The following NIPA1 variants were observed in gnomAD, a reference collection of about 807,000 sequenced individuals.
NIPA1 encodes the protein magnesium transporter NIPA1.
In NIPA1, 13 loss-of-function variants were observed where a neutral mutation model predicts 23.9. The observed-to-expected ratio is 0.54, with a 90% CI of 0.35 to 0.87. NIPA1 has a LOEUF of 0.87. Ranked by LOEUF, NIPA1 falls within the 40% of genes least tolerant of loss-of-function variation. NIPA1 has a pLI of 0.01. For synonymous variants in NIPA1, 234 were observed against 202.9 expected, an observed-to-expected ratio of 1.15 and a Z score of -1.30; for missense variants, 362 against 429.7, an observed-to-expected ratio of 0.84 and a Z score of 1.39.
intron 1 of NIPA1, among the ~76,000 whole-genome samples, chr15:22,798,619 C>T (rs949023582): frequency 2.0e-5 from 3 of 148,124 alleles, no homozygotes; most frequent in Admixed American, 6.7e-5. Context: ...GAGGCTGAGA[C>T]GGGTGGATCA....
rs1163602873 is a variant in NIPA1 at position 22,823,780 on chromosome 15, C to T, written c.531C>T (p.Phe177=). The T allele has an allele frequency of 1.2e-6, 2 of 1,613,422 alleles. No homozygotes were observed. Among genetic ancestry groups the T allele is most frequent in the Admixed American group, 1.7e-5 (1 of 59,956 alleles). Residue 177 remains phenylalanine, a synonymous_variant, in exon 5 of 5, where the codon TTC becomes TTT. Coordinates refer to ENST00000337435, the MANE Select transcript of NIPA1 (RefSeq NM_144599.5). ...TGCTCATGCTGCTGCTGCTCATCTT[C>T]TGGATCGCGCCGGCCCATGGGCCCA... ...IVLLMLLLLI[F]WIAPAHGPTN... is the part of the protein sequence containing the mutation.
chr15:22,809,024 A>T (rs553430483), intron 1 of NIPA1, among the ~76,000 whole-genome samples: 1 of 152,124 alleles, frequency 6.6e-6, no homozygotes, highest in Non-Finnish European at 1.5e-5. Context: ...CTGCTCCATT[A>T]AGCAGGCTAG....
intron 4 of NIPA1, 73 bp downstream of exon 4, chr15:22,820,546 A>G: frequency 2.7e-6 from 3 of 1,098,314 alleles, no homozygotes; most frequent in Non-Finnish European, 4.2e-6. Flanking sequence ...ACGTCTTCAA[A>G]TTGGATGCTT....
chr15:22,786,426 C>G (rs905358017), upstream of NIPA1, among the ~76,000 whole-genome samples: 34 of 151,502 alleles, frequency 2.2e-4, no homozygotes, highest in African/African-American at 8.1e-4. Context: ...CGGGAACCCC[C>G]GCCCCACCCA....
intron 1 of NIPA1, among the ~76,000 whole-genome samples, chr15:22,810,061 T>A (rs1297732694): frequency 6.6e-6 from 1 of 150,906 alleles, no homozygotes; most frequent in Non-Finnish European, 1.5e-5. Context: ...AAAAAAGTGC[T>A]TAGGAGCATT....
rs148454069 is a variant in NIPA1, at chr15:22,814,073, A to G, written c.317+1820A>G. 3.2e-4 allele frequency: 408 copies of G among 1,267,460 alleles called. 1 individual carries two copies. Among genetic ancestry groups the G allele is most frequent in the African/African-American group, 1.3e-3 (83 of 65,580 alleles). 78.5% of individuals were successfully genotyped at this position (1,267,460 alleles called of 1,614,324 possible). Reference sequence around the variant, plus strand: ...CTTCACCAGAAATGTTCACTGCTCCACATCTGCAGGTGTTACTCACTGTAG... The same window carrying G: ...CTTCACCAGAAATGTTCACTGCTCCGCATCTGCAGGTGTTACTCACTGTAG... On this transcript the variant is annotated intron_variant, in intron 3 of 4. Transcript: ENST00000337435.
chr15:22,812,940 C>T (rs958575128), intron 3 of NIPA1, among the ~76,000 whole-genome samples: 1 of 152,104 alleles, frequency 6.6e-6, no homozygotes, highest in South Asian at 2.1e-4. Flanking sequence ...GCTTAGCATT[C>T]CTTGCTGGAT....
chr15:22,800,309 T>C (rs1223934083), intron 1 of NIPA1, among the ~76,000 whole-genome samples: 1 of 152,156 alleles, frequency 6.6e-6, no homozygotes, highest in East Asian at 1.9e-4. Context: ...CACGAGTCTT[T>C]CTTTGTTAAA....
chr15:22,790,134 G>T (rs1407242266), intron 1 of NIPA1, among the ~76,000 whole-genome samples: 2 of 152,048 alleles, frequency 1.3e-5, no homozygotes, highest in Admixed American at 1.3e-4. Flanking sequence ...ATGAAAGGAA[G>T]TAAAGTAGAC....
rs1458192670 is a variant in NIPA1, at chr15:22,829,485, G to C, written c.*5246G>C. 1.3e-5 allele frequency: 2 copies of C among 152,336 alleles called. No individual in the cohort carries two copies. Among genetic ancestry groups the C allele is most frequent in the Non-Finnish European group, 2.9e-5 (2 of 68,012 alleles). 9.4% of individuals were successfully genotyped at this position (152,336 alleles called of 1,614,324 possible). On this transcript the variant is annotated 3_prime_UTR_variant, in exon 5 of 5. Coordinates refer to ENST00000337435, the MANE Select transcript of NIPA1 (RefSeq NM_144599.5). ...TGTTTTTCAGTGGCTTGAGCGTTTT[G>C]CCTTTTCAAAGGATAACTATTATTT...
At position 22,803,301 on chromosome 15, in the gene NIPA1, G is replaced by C. The variant is rs1284571530; in HGVS notation, c.179-7448G>C. Among the ~76,000 whole-genome samples the C allele has an allele frequency of 2.0e-5, 3 of 151,926 alleles. No homozygotes were observed. The South Asian group carries it at 6.2e-4, about 31-fold the overall frequency. Reference sequence around the variant, plus strand: ...ATTATAGGCATGAGCCACCACGCCTGGCTGGGTTCTACCGTATTATTGACT... The same window carrying C: ...ATTATAGGCATGAGCCACCACGCCTCGCTGGGTTCTACCGTATTATTGACT... On this transcript the variant is annotated intron_variant, in intron 1 of 4. Transcript: ENST00000337435.
chr15:22,799,600 G>A (rs1403964507), intron 1 of NIPA1, among the ~76,000 whole-genome samples: 1 of 151,984 alleles, frequency 6.6e-6, no homozygotes, highest in South Asian at 2.1e-4. Flanking sequence ...GGCTAACACG[G>A]TGAAACCCCA....
chr15:22,799,332 CAT>C (rs1303502237), intron 1 of NIPA1, among the ~76,000 whole-genome samples: 6 of 152,120 alleles, frequency 3.9e-5, no homozygotes, highest in African/African-American at 7.2e-5. Flanking sequence ...TCAAATACCA[CAT>C]GTTCTTACTT....
intron 3 of NIPA1, chr15:22,813,748 C>A: frequency 2.2e-6 from 1 of 451,454 alleles, no homozygotes; most frequent in Non-Finnish European, 4.5e-6. Context: ...TTTTCACATG[C>A]GACGCCTTGA....
chr15:22,824,047 C>T lies in NIPA1; in HGVS notation c.798C>T (p.Val266=), dbSNP rs1008907564. Residue 266 remains valine (V), a synonymous_variant, in exon 5 of 5, where the codon GTC becomes GTT. Transcript: ENST00000337435. This position sits in a 1 kb window ranked among gnomAD's most constrained non-coding sequence, Gnocchi z 4.1. ...CGGTGTTCGGGGCCATCTACTACGTCGTGTTTACCACGCTGGTCCTGCTGG... is the reference window on the plus strand; with the variant it reads ...CGGTGTTCGGGGCCATCTACTACGTTGTGTTTACCACGCTGGTCCTGCTGG... ...DSSVFGAIYY[V]VFTTLVLLAS... The T allele has an allele frequency of 2.5e-5, 41 of 1,613,968 alleles. No homozygotes were observed. The highest frequency in any genetic ancestry group is 5.0e-5 in the Admixed American group (3 of 60,004).
In NIPA1 at chr15:22,800,748, A is replaced by G. The variant is rs376072924; in HGVS notation, c.179-10001A>G. ...TTGAGACCATCCTGGCTAACACGGT[A>G]AAACCCCATCTCTACTAAAAATACA... is the stretch of plus-strand genomic sequence containing the variant. On this transcript the variant is annotated intron_variant, in intron 1 of 4. Coordinates refer to ENST00000337435, the MANE Select transcript of NIPA1 (RefSeq NM_144599.5). 3.9e-5 allele frequency among the ~76,000 whole-genome samples: 6 copies of G among 152,022 alleles called. No individual in the cohort carries two copies. The East Asian group carries it at 5.8e-4, about 15-fold the overall frequency.
intron 3 of NIPA1, among the ~76,000 whole-genome samples, chr15:22,818,863 T>C (rs997826721): frequency 6.6e-6 from 1 of 152,160 alleles, no homozygotes; most frequent in African/African-American, 2.4e-5. Flanking sequence ...GAATAAGAGA[T>C]GATTTGGCCT....
At chr15:22,790,867 G>C (rs772492002) in intron 1 of NIPA1, among the ~76,000 whole-genome samples, 6 of 152,166 alleles carry the variant, frequency 3.9e-5, no homozygotes, top group Non-Finnish European at 8.8e-5. Flanking sequence ...AGGGAGGAGA[G>C]GGGAGATACG....
intron 1 of NIPA1, among the ~76,000 whole-genome samples, chr15:22,795,553 C>T (rs1894923205): frequency 1.3e-5 from 2 of 152,156 alleles, no homozygotes; most frequent in African/African-American, 2.4e-5. Context: ...GGCTTCTTCA[C>T]ACAGGGCTCC....
Sources: gnomAD v4.1 joint callset for allele counts (sites outside exome capture counted in the v4.1 genomes callset) on GRCh38, gnomAD v4.1.1 for gene constraint, Gnocchi (gnomAD v3.1) non-coding constraint, MANE v1.5 for transcripts, NCBI Gene and HGNC (gene_info 2026-07-23, HGNC 2026-07-21) for gene names.